The following CRYL1 variants were observed in gnomAD, a reference collection of about 807,000 sequenced individuals.
CRYL1 encodes the protein crystallin lambda 1.
In CRYL1, 29 loss-of-function variants were observed where a neutral mutation model predicts 36.6. The ratio of observed to expected loss-of-function variants is 0.79; its 90% CI spans 0.59 to 1.08. The LOEUF is 1.08. Ranked by LOEUF, CRYL1 falls within the 50% of genes least tolerant of loss-of-function variation. The pLI is 0.00. For synonymous variants in CRYL1, 152 were observed against 151.5 expected (o/e 1.00, Z -0.02); for missense variants, 411 against 407.9 (o/e 1.01, Z -0.06).
chr13:20,429,105 C>A (rs1430551155), intron 5 of CRYL1, among the ~76,000 whole-genome samples: 1 of 152,212 alleles, frequency 6.6e-6, no homozygotes, highest in Non-Finnish European at 1.5e-5. Context: ...GCTCAGGAGC[C>A]AGGCACTCCG....
At chr13:20,429,210 C>T (rs2032000020) in intron 5 of CRYL1, among the ~76,000 whole-genome samples, 1 of 152,290 alleles carries the variant, frequency 6.6e-6, no homozygotes, top group South Asian at 2.1e-4. Flanking sequence ...CCTACTTAGC[C>T]TCTTCTGTAA....
intron 2 of CRYL1, among the ~76,000 whole-genome samples, chr13:20,503,787 A>T (rs2033745187): frequency 6.6e-6 from 1 of 152,216 alleles, no homozygotes. Context: ...AACACAGTTC[A>T]AGATTAGGCC....
intron 3 of CRYL1, among the ~76,000 whole-genome samples, chr13:20,465,168 T>G (rs1219154101): frequency 6.6e-6 from 1 of 152,214 alleles, no homozygotes; most frequent in Non-Finnish European, 1.5e-5. Flanking sequence ...GATATCAGAC[T>G]TTTAAATATC....
intron 3 of CRYL1, 161 bp from the exon 4 acceptor site, chr13:20,439,915 C>T (rs896658613): frequency 2.3e-5 from 15 of 647,260 alleles, no homozygotes; most frequent in Admixed American, 8.5e-5. Flanking sequence ...GAGAAAACAG[C>T]GGAAGCAGGG....
intron 2 of CRYL1, chr13:20,502,411 G>C (rs1222070101): frequency 6.6e-6 from 1 of 152,418 alleles, no homozygotes; most frequent in Non-Finnish European, 1.5e-5. Context: ...CCAGCACTTT[G>C]GGAGGCCGAG....
At chr13:20,451,155 C>T (rs554758354) in intron 3 of CRYL1, among the ~76,000 whole-genome samples, 35 of 152,172 alleles carry the variant, frequency 2.3e-4, no homozygotes, top group Non-Finnish European at 4.9e-4. Flanking sequence ...CACATGTATA[C>T]ATATGTAACA....
At chr13:20,407,569 C>A (rs1043019463) in intron 6 of CRYL1, among the ~76,000 whole-genome samples, 1 of 152,182 alleles carries the variant, frequency 6.6e-6, no homozygotes, top group African/African-American at 2.4e-5. Flanking sequence ...CACTTTTGAT[C>A]CCCTGGTCTG....
At chr13:20,482,639 C>T (rs2033301010) in intron 3 of CRYL1, among the ~76,000 whole-genome samples, 1 of 152,220 alleles carries the variant, frequency 6.6e-6, no homozygotes, top group Admixed American at 6.5e-5. Flanking sequence ...GAAAACAATC[C>T]ACTGGGGAAA....
chr13:20,455,369 C>T (rs778373597), intron 3 of CRYL1, among the ~76,000 whole-genome samples: 1 of 152,040 alleles, frequency 6.6e-6, no homozygotes, highest in Non-Finnish European at 1.5e-5. Flanking sequence ...CAAGCTACAC[C>T]ATAATCATGA....
At chr13:20,431,097 C>G in intron 5 of CRYL1, 1 of 985,404 alleles carries the variant, frequency 1.0e-6, no homozygotes, top group South Asian at 4.7e-5. Context: ...TTTGGCCCAA[C>G]AAGAGAAGCA....
At chr13:20,428,996 A>T (rs2137385371) in intron 5 of CRYL1, among the ~76,000 whole-genome samples, 1 of 152,268 alleles carries the variant, frequency 6.6e-6, no homozygotes, top group Non-Finnish European at 1.5e-5. Flanking sequence ...ATGAGCCCAG[A>T]GGATCCTGAA....
chr13:20,506,921 T>G (rs567765747), intron 2 of CRYL1, among the ~76,000 whole-genome samples: 1 of 152,264 alleles, frequency 6.6e-6, no homozygotes, highest in South Asian at 2.1e-4. Flanking sequence ...TTCCCATGTG[T>G]TGGGGGAGGG....
intron 5 of CRYL1, among the ~76,000 whole-genome samples, chr13:20,422,927 G>A (rs948767520): frequency 1.3e-5 from 2 of 152,168 alleles, no homozygotes; most frequent in African/African-American, 2.4e-5. Flanking sequence ...AACACAGAAT[G>A]TCCTTCCATT....
At chr13:20,471,120 CG>C (rs2033049557) in intron 3 of CRYL1, among the ~76,000 whole-genome samples, 2 of 151,778 alleles carry the variant, frequency 1.3e-5, no homozygotes, top group African/African-American at 4.8e-5. Flanking sequence ...AACTGCAGTA[CG>C]GGGGTGGTTG....
intron 6 of CRYL1, among the ~76,000 whole-genome samples, chr13:20,411,801 C>A (rs1256820993): frequency 6.6e-6 from 1 of 152,156 alleles, no homozygotes; most frequent in Non-Finnish European, 1.5e-5. Flanking sequence ...TCCCCTCTTC[C>A]CTTCACTCCT....
intron 4 of CRYL1, among the ~76,000 whole-genome samples, chr13:20,436,924 C>G (rs372846964): frequency 6.6e-6 from 1 of 151,638 alleles, no homozygotes; most frequent in Non-Finnish European, 1.5e-5. Flanking sequence ...TTCTCGGAAA[C>G]TGGTTCCTCA....
intron 1 of CRYL1, among the ~76,000 whole-genome samples, chr13:20,520,318 T>A (rs532146990): frequency 6.9e-6 from 1 of 144,550 alleles, no homozygotes; most frequent in South Asian, 2.2e-4. Flanking sequence ...GGAACAACTA[T>A]ATGTTTGCTG....
intron 1 of CRYL1, among the ~76,000 whole-genome samples, chr13:20,519,934 G>A (rs979480354): frequency 2.0e-5 from 3 of 152,082 alleles, no homozygotes; most frequent in Admixed American, 6.5e-5. Flanking sequence ...TGCTATTGTG[G>A]TTATATAGTT....
chr13:20,524,295 G>A (rs1257214249), intron 1 of CRYL1, among the ~76,000 whole-genome samples: 2 of 150,782 alleles, frequency 1.3e-5, no homozygotes, highest in Non-Finnish European at 2.9e-5. Flanking sequence ...ATATGTGTGA[G>A]TGTATATATA....
Sources: gnomAD v4.1 joint callset for allele counts (sites outside exome capture counted in the v4.1 genomes callset) on GRCh38, gnomAD v4.1.1 for gene constraint, MANE v1.5 for transcripts, NCBI Gene and HGNC (gene_info 2026-07-23, HGNC 2026-07-21) for gene names.